NECTIN1: variants seen among roughly 807,000 people sequenced by gnomAD.
NECTIN1 encodes the protein nectin-1.
A neutral mutation model predicts 48.0 loss-of-function variants in NECTIN1; 23 were observed. The observed-to-expected ratio is 0.48, with a 90% confidence interval of 0.34 to 0.68. NECTIN1 has a LOEUF of 0.68. NECTIN1 is among the 30% of genes least tolerant of loss of function. The probability of loss-of-function intolerance (pLI) is 0.01; values close to 1 mark genes in which losing one functional copy is unlikely to be tolerated. For synonymous variants in NECTIN1, 270 were observed against 288.9 expected (o/e 0.93, Z 0.66); for missense variants, 591 against 709.9 (o/e 0.83, Z 1.90).
At chr11:119,717,729 A>T (rs1865768396) in intron 1 of NECTIN1, among the ~76,000 whole-genome samples, 1 of 152,180 alleles carries the variant, frequency 6.6e-6, no homozygotes, top group Admixed American at 6.5e-5. Flanking sequence ...GAGGAGAGGG[A>T]CATAAAAGTG....
intron 5 of NECTIN1, among the ~76,000 whole-genome samples, chr11:119,669,521 C>A (rs898332784): frequency 7.2e-5 from 11 of 152,190 alleles, no homozygotes; most frequent in Non-Finnish European, 1.6e-4. Context: ...ATTGCAATAG[C>A]TGCCTAACTG....
chr11:119,644,879 T>G (rs1864374804), intron 5 of NECTIN1, among the ~76,000 whole-genome samples: 1 of 152,068 alleles, frequency 6.6e-6, no homozygotes, highest in Non-Finnish European at 1.5e-5. Context: ...GGGCAGAGCA[T>G]GCTCAGAGGT....
chr11:119,675,716 TAC>T (rs1864934885), intron 4 of NECTIN1: 1 of 221,290 alleles, frequency 4.5e-6, no homozygotes, highest in South Asian at 6.4e-5. Flanking sequence ...TGGTTAATAA[TAC>T]AGATGCCAGC....
chr11:119,712,474 A>AGAG (rs1865670214), intron 1 of NECTIN1, among the ~76,000 whole-genome samples: 1 of 152,148 alleles, frequency 6.6e-6, no homozygotes, highest in Admixed American at 6.5e-5. Flanking sequence ...CAGTTCATCC[A>AGAG]TCACTACTGT....
chr11:119,716,744 T>A (rs1031062172), intron 1 of NECTIN1, among the ~76,000 whole-genome samples: 2 of 152,186 alleles, frequency 1.3e-5, no homozygotes, highest in African/African-American at 4.8e-5. Flanking sequence ...CCACCCACCC[T>A]TAGTAGCCAG....
At chr11:119,705,996 C>A (rs1349013232) in intron 1 of NECTIN1, among the ~76,000 whole-genome samples, 1 of 152,186 alleles carries the variant, frequency 6.6e-6, no homozygotes, top group African/African-American at 2.4e-5. Context: ...AAGCCCTGCA[C>A]AAAACAATGG....
intron 5 of NECTIN1, among the ~76,000 whole-genome samples, chr11:119,671,839 A>G (rs1297067300): frequency 6.6e-6 from 1 of 152,208 alleles, no homozygotes; most frequent in Non-Finnish European, 1.5e-5. Context: ...GCACGGATGC[A>G]GCTGCCTTCT....
chr11:119,661,536 C>A lies in NECTIN1; in HGVS notation c.*3211G>T. 1.0e-6 allele frequency: 1 copy of A among 985,886 alleles called. No homozygotes were observed. Among genetic ancestry groups the A allele is most frequent in the Non-Finnish European group, 1.2e-6 (1 of 829,960 alleles). 61.1% of individuals were successfully genotyped at this position (985,886 alleles called of 1,614,324 possible). ...GGACTCCTGAGGCCTGGGAGCACTA[C>A]CCTCCTCCCAGAAGAGGGGACATCC... is the stretch of plus-strand genomic sequence containing the variant. On this transcript the variant is annotated 3_prime_UTR_variant, in exon 6 of 6. Transcript: ENST00000264025.
At chr11:119,639,104 C>T (rs1191234102) in intron 6 of NECTIN1, among the ~76,000 whole-genome samples, 1 of 152,274 alleles carries the variant, frequency 6.6e-6, no homozygotes, top group East Asian at 1.9e-4. Context: ...AGGGAGGAAC[C>T]AGCAGCAGCA....
Position 119,665,720 on chromosome 11 carries a change from G to T in NECTIN1, c.1004-423C>A, listed in dbSNP as rs1309148625. Among the ~76,000 whole-genome samples, 2 of 152,250 alleles carry T rather than the reference G, an allele frequency of 1.3e-5. No individual in the cohort carries two copies. Among genetic ancestry groups the T allele is most frequent in the East Asian group, 3.9e-4 (2 of 5,170 alleles). ...CTCATTGGATATCTGAGGAGCTGAG[G>T]CTTGCAGAGGTTAAAGAACTTGCCT... On this transcript the variant is annotated intron_variant, in intron 5 of 5. Coordinates refer to ENST00000264025, the MANE Select transcript of NECTIN1 (RefSeq NM_002855.5). This position sits in a 1 kb window ranked among gnomAD's most constrained non-coding sequence, Gnocchi z 5.1.
At chr11:119,716,348 T>C (rs1423260826) in intron 1 of NECTIN1, among the ~76,000 whole-genome samples, 1 of 152,070 alleles carries the variant, frequency 6.6e-6, no homozygotes, top group Non-Finnish European at 1.5e-5. Flanking sequence ...TCCCTCCCAG[T>C]GGTAGCTCAC....
At chr11:119,670,839 A>G (rs559037372) in intron 5 of NECTIN1, among the ~76,000 whole-genome samples, 2 of 151,678 alleles carry the variant, frequency 1.3e-5, no homozygotes, top group African/African-American at 2.4e-5. Context: ...GGGTTTCACA[A>G]CGTTGGCCAG....
At position 119,727,361 on chromosome 11, in the gene NECTIN1, G is replaced by C. The variant is rs997711821; in HGVS notation, c.79+1114C>G. Among the ~76,000 whole-genome samples, 1 of 152,116 alleles carries C rather than the reference G, an allele frequency of 6.6e-6. No individual in the cohort carries two copies. Among genetic ancestry groups the C allele is most frequent in the Non-Finnish European group, 1.5e-5 (1 of 68,016 alleles). Reference sequence around the variant, plus strand: ...CCCCCTATTCTGCCACCCCAAGGCGGGGACCACGTGCTCCAGTCAAGATCC... The same window carrying C: ...CCCCCTATTCTGCCACCCCAAGGCGCGGACCACGTGCTCCAGTCAAGATCC... On this transcript the variant is annotated intron_variant, in intron 1 of 5. Transcript: ENST00000264025. This position sits in a 1 kb window ranked among gnomAD's most constrained non-coding sequence, Gnocchi z 4.1.
rs1315635239 is a variant in NECTIN1, at chr11:119,661,003, CACTT to C, written c.*3740_*3743del. 4 of 979,098 alleles carry C rather than the reference CACTT, an allele frequency of 4.1e-6. No homozygotes were observed. Among genetic ancestry groups the C allele is most frequent in the Non-Finnish European group, 4.9e-6 (4 of 823,928 alleles). The allele number at this position is 979,098 out of a possible 1,614,324, so 60.7% of individuals were successfully genotyped here. A position where few individuals can be genotyped will look rare whatever the true frequency, so the allele number is the denominator to read the frequency against. Reference sequence around the variant, plus strand: ...GGGATGCAAACCAGTTTGTTTTAAACACTTTATTTATAAAAAAGTACATTTTTAA... The same window carrying C: ...GGGATGCAAACCAGTTTGTTTTAAACTATTTATAAAAAAGTACATTTTTAA... On this transcript the variant is annotated 3_prime_UTR_variant, in exon 6 of 6. Coordinates refer to ENST00000264025, the MANE Select transcript of NECTIN1 (RefSeq NM_002855.5).
rs768430312 is a variant in NECTIN1, at chr11:119,678,364, C to T, written c.430+51G>A. 33 of 1,545,424 alleles carry T rather than the reference C, an allele frequency of 2.1e-5. No individual in the cohort carries two copies. In the East Asian group the frequency reaches 3.6e-4, roughly 17 times the overall value. On this transcript the variant is annotated intron_variant, in intron 2 of 5. Transcript: ENST00000264025. The surrounding 1 kb of genome is among the most constrained non-coding windows in gnomAD (Gnocchi z 4.4). ...GAGGCATCCTGAGGATGGCCACGCC[C>T]CGAGGTCACAGGCCTCTGGATGAAC... is the stretch of plus-strand genomic sequence containing the variant.
At chr11:119,674,779 G>A in intron 5 of NECTIN1, 1 of 1,511,656 alleles carries the variant, frequency 6.6e-7, no homozygotes, top group Non-Finnish European at 9.2e-7. Flanking sequence ...GACCACAGGT[G>A]CAGAGCTTGG....
intron 5 of NECTIN1, among the ~76,000 whole-genome samples, chr11:119,651,356 G>A (rs1864487038): frequency 6.6e-6 from 1 of 152,060 alleles, no homozygotes; most frequent in Non-Finnish European, 1.5e-5. Context: ...CATTGATCAA[G>A]CCCCCAGATC....
chr11:119,666,070 C>T (rs972695914), intron 5 of NECTIN1, among the ~76,000 whole-genome samples: 8 of 152,178 alleles, frequency 5.3e-5, no homozygotes, highest in African/African-American at 1.9e-4. Flanking sequence ...GCAGTGCTGC[C>T]AGCCTGGGTT....
chr11:119,714,002 C>A, intron 1 of NECTIN1: 1 of 384,492 alleles, frequency 2.6e-6, no homozygotes, highest in Non-Finnish European at 5.2e-6. Flanking sequence ...TGGCCCCCCC[C>A]TTGGTATTCA....
Sources: allele counts gnomAD v4.1 joint callset (sites outside exome capture counted in the v4.1 genomes callset), GRCh38; gene constraint gnomAD v4.1.1; non-coding constraint Gnocchi (gnomAD v3.1); transcripts MANE v1.5; gene names NCBI Gene and HGNC (gene_info 2026-07-23, HGNC 2026-07-21).